Variants in GON4L observed in about 807,000 individuals in gnomAD.
GON4L encodes gon-4 like, also known as GON-4-like protein.
Under a neutral mutation model 211.8 loss-of-function variants are expected in GON4L, and 87 were observed. The observed-to-expected ratio is 0.41, with a 90% CI of 0.35 to 0.49. The LOEUF (loss-of-function observed/expected upper bound fraction) is 0.49. Among genes scored for constraint, GON4L ranks in the 20% least tolerant of loss-of-function variants. The pLI is 0.15. For missense variants in GON4L, 2,155 were observed against 2,659.5 expected, an observed-to-expected ratio of 0.81 and a Z score of 4.17; for synonymous variants, 875 against 962.6, an observed-to-expected ratio of 0.91 and a Z score of 1.68.
At chr1:155,782,617 T>A (rs924794100) in intron 14 of GON4L, among the ~76,000 whole-genome samples, 2 of 152,200 alleles carry the variant, frequency 1.3e-5, no homozygotes, top group Admixed American at 6.5e-5. Context: ...AGAAGGTAAC[T>A]GAATTCTAAC....
In GON4L at chr1:155,766,522, A is replaced by G. The variant is rs756683565; in HGVS notation, c.2951T>C (p.Val984Ala). ...AGCCTTCCTGGGGAAACGGGTGGCA[A>G]CTGGCTTCAGTTTCAGGACTACACC... is the stretch of plus-strand genomic sequence containing the variant. ...PKGVVLKLKP[V>A]ATRFPRKAWR... Residue 984 changes from valine (V) to alanine (A), a missense_variant, in exon 21 of 32, where the codon GTT becomes GCT. This residue lies in a region of GON4L where 615 missense variants were observed against 625.7 expected (regional missense o/e 0.98). Transcript: ENST00000368331. 4.7e-5 allele frequency: 76 copies of G among 1,613,960 alleles called. No individual in the cohort carries two copies. Among genetic ancestry groups the G allele is most frequent in the Non-Finnish European group, 6.2e-5 (73 of 1,180,016 alleles).
At chr1:155,853,976 A>T (rs1672040313) in intron 1 of GON4L, among the ~76,000 whole-genome samples, 170 bp from the exon 2 acceptor site, 1 of 152,216 alleles carries the variant, frequency 6.6e-6, no homozygotes, top group Admixed American at 6.5e-5. Context: ...ACTGAGTTCA[A>T]ATCTCAACTC....
chr1:155,813,870 G>C (rs1352681373), intron 9 of GON4L, 66 bp from the exon 10 acceptor site: 1 of 1,385,272 alleles, frequency 7.2e-7, no homozygotes, highest in African/African-American at 1.4e-5. Flanking sequence ...AGCAAAAAAA[G>C]GAAAAAAAGA....
At chr1:155,846,186 TCATCAA>T (rs1671216260) in intron 2 of GON4L, 1 of 230,556 alleles carries the variant, frequency 4.3e-6, no homozygotes, top group African/African-American at 2.3e-5. Flanking sequence ...CTACACAACC[TCATCAA>T]CAAGATTGCC....
chr1:155,822,426 T>A lies in GON4L; in HGVS notation c.748A>T (p.Thr250Ser). The change falls in exon 4 of 32, where the codon ACC becomes TCC. Residue 250 changes from threonine (T) to serine (S), a missense_variant. Transcript: ENST00000368331. ...CCCCTTCCATCTCGTTTCCTCTTGG[T>A]ACCCTTTTTCTTTTTTCTCCTTTTC... is the stretch of plus-strand genomic sequence containing the variant. ...SEKRRKKKKG[T>S]KRKRDGRGQE... 1 of 1,613,976 alleles carries A rather than the reference T, an allele frequency of 6.2e-7. No homozygotes were observed. The highest frequency in any genetic ancestry group is 8.5e-7 in the Non-Finnish European group (1 of 1,179,858).
chr1:155,777,061 T>C (rs948288439), intron 15 of GON4L, among the ~76,000 whole-genome samples: 4 of 152,190 alleles, frequency 2.6e-5, no homozygotes, highest in East Asian at 1.9e-4. Context: ...ACAGTGAAGG[T>C]TGTTAAATTT....
intron 6 of GON4L, among the ~76,000 whole-genome samples, chr1:155,820,311 A>G (rs1036545596): frequency 1.3e-5 from 2 of 152,210 alleles, no homozygotes; most frequent in African/African-American, 4.8e-5. Context: ...AATACTAAAC[A>G]CTTTGCAACA....
intron 2 of GON4L, among the ~76,000 whole-genome samples, chr1:155,839,596 A>T (rs1022886071): frequency 2.0e-5 from 3 of 151,598 alleles, no homozygotes; most frequent in Non-Finnish European, 4.4e-5. Flanking sequence ...GGTTGCAGTG[A>T]GCCAAGATTA....
chr1:155,822,881 C>T (rs1479084903), intron 3 of GON4L, among the ~76,000 whole-genome samples: 6 of 152,174 alleles, frequency 3.9e-5, no homozygotes, highest in South Asian at 4.1e-4. Flanking sequence ...GCGCAACCTC[C>T]GCCTCCTGGG....
chr1:155,791,039 A>C (rs1384320269), intron 12 of GON4L, among the ~76,000 whole-genome samples: 2 of 151,620 alleles, frequency 1.3e-5, no homozygotes, highest in Admixed American at 1.3e-4. Context: ...AGGCGGGCAG[A>C]TCACCTGAGG....
At chr1:155,790,618 G>A (rs927572298) in intron 12 of GON4L, among the ~76,000 whole-genome samples, 83 of 151,672 alleles carry the variant, frequency 5.5e-4, no homozygotes, top group Non-Finnish European at 2.1e-4. Flanking sequence ...TGTGAAACCC[G>A]CACATATGAA....
intron 17 of GON4L, chr1:155,774,790 C>G: frequency 1.3e-6 from 1 of 745,540 alleles, no homozygotes; most frequent in Non-Finnish European, 2.3e-6. Context: ...ATACTGTCCA[C>G]TGCCTCCACA....
At chr1:155,850,743 A>C (rs1198741078) in intron 2 of GON4L, among the ~76,000 whole-genome samples, 1 of 152,190 alleles carries the variant, frequency 6.6e-6, no homozygotes, top group Non-Finnish European at 1.5e-5. Context: ...AAAAGAAAAC[A>C]TCTTAACAGT....
intron 12 of GON4L, among the ~76,000 whole-genome samples, chr1:155,787,105 G>C (rs1357499915): frequency 7.0e-6 from 1 of 143,134 alleles, no homozygotes; most frequent in Non-Finnish European, 1.5e-5. Flanking sequence ...GTATTTTTTA[G>C]TAGAGACGGG....
chr1:155,752,205 T>A lies in GON4L; in HGVS notation c.6228A>T (p.Arg2076Ser). The change falls in exon 30 of 32, where the codon AGA (arginine) becomes AGT (serine). Residue 2076 changes from arginine (R) to serine (S), a missense_variant. Transcript: ENST00000368331. ...CCCGAGCTCTGCTTGAGGGCAGCCA[T>A]CTCTCTTGAGTGTCTGGTTTCCCGG... is the stretch of plus-strand genomic sequence containing the variant. ...HVSGKPDTQE[R>S]WLPSSRARVK... is the part of the protein sequence containing the mutation. The A allele has an allele frequency of 6.2e-7, 1 of 1,613,556 alleles. No individual in the cohort carries two copies. Among genetic ancestry groups the A allele is most frequent in the East Asian group, 2.2e-5 (1 of 44,864 alleles).
rs1401383688 is a variant in GON4L at position 155,760,489 on chromosome 1, G to C, written c.5064C>G (p.Asp1688Glu). The C allele has an allele frequency of 6.2e-7, 1 of 1,613,396 alleles. No individual in the cohort carries two copies. The highest frequency in any genetic ancestry group is 2.2e-5 in the East Asian group (1 of 44,870). The stretch of plus-strand genomic sequence containing the variant: ...GCTCAGGTAACAGGAAAGCAGCAAA[G>C]TCTTTCAACAGCTGAGGCCAGTCTT... ...LLQDWPQLLK[D>E]FAAFLLPEQA... Residue 1688 changes from aspartate to glutamate, a missense_variant, in exon 24 of 32, where the codon GAC becomes GAG. By Grantham distance (45) the Asp-to-Glu change is conservative. Around this residue, in one of 6 missense-constraint regions of GON4L, gnomAD observed 455 missense variants for 504.6 expected, o/e 0.90. Transcript: ENST00000368331.
chr1:155,763,440 TCTG>T lies in GON4L; in HGVS notation c.4595_4597del (p.Ala1532del). The T allele has an allele frequency of 6.4e-7, 1 of 1,564,388 alleles. No homozygotes were observed. Among genetic ancestry groups the T allele is most frequent in the Non-Finnish European group, 8.7e-7 (1 of 1,153,716 alleles). On this transcript the variant is annotated inframe_deletion, in exon 22 of 32. Coordinates refer to ENST00000368331, the MANE Select transcript of GON4L (RefSeq NM_001282860.2). ...CTCTTTCTGCAGGCTTTCCATTCCT[TCTG>T]CTTCTTCTTCCTCCTCTTCTTCTGG...
At chr1:155,792,481 A>T (rs192948522) in intron 12 of GON4L, among the ~76,000 whole-genome samples, 1 of 152,328 alleles carries the variant, frequency 6.6e-6, no homozygotes. Flanking sequence ...AGCTCTTGAG[A>T]AGTTCACAGT....
At chr1:155,845,428 T>C in intron 2 of GON4L, 1 of 343,714 alleles carries the variant, frequency 2.9e-6, no homozygotes, top group Non-Finnish European at 5.8e-6. Flanking sequence ...TACTGCTCAA[T>C]GTGGTGGATC....
Sources: allele counts gnomAD v4.1 joint callset (sites outside exome capture counted in the v4.1 genomes callset), GRCh38; gene constraint gnomAD v4.1.1; regional missense constraint gnomAD v4.1.1; transcripts MANE v1.5; gene names NCBI Gene and HGNC (gene_info 2026-07-23, HGNC 2026-07-21).